Variants in VPS36 observed in about 807,000 individuals in gnomAD.
VPS36 encodes vacuolar protein sorting 36 homolog, also known as vacuolar protein-sorting-associated protein 36.
VPS36 carries 31 observed loss-of-function variants against 63.5 expected under a neutral mutation model. The observed-to-expected ratio is 0.49, with a 90% confidence interval of 0.37 to 0.66. VPS36 has a LOEUF of 0.66. VPS36 is among the 30% of genes least tolerant of loss of function. The pLI is 0.00. For missense variants in VPS36, 338 were observed against 463.7 expected, an observed-to-expected ratio of 0.73 and a Z score of 2.49; for synonymous variants, 138 against 157.2, an observed-to-expected ratio of 0.88 and a Z score of 0.91.
At chr13:52,416,380 T>C (rs1957992596) in intron 12 of VPS36, 3 of 297,594 alleles carry the variant, frequency 1.0e-5, no homozygotes, top group Non-Finnish European at 1.8e-5. Context: ...AAGAACTATT[T>C]GATATTCTGA....
chr13:52,427,932 T>A (rs1958119963), intron 6 of VPS36, among the ~76,000 whole-genome samples: 1 of 152,206 alleles, frequency 6.6e-6, no homozygotes, highest in Non-Finnish European at 1.5e-5. Flanking sequence ...AAAGCTTTCC[T>A]GGTTGAAAAT....
intron 1 of VPS36, among the ~76,000 whole-genome samples, chr13:52,446,362 A>G (rs1958343810): frequency 6.6e-6 from 1 of 152,174 alleles, no homozygotes; most frequent in African/African-American, 2.4e-5. Context: ...AAGCACATAC[A>G]TGTTAATTTA....
At chr13:52,440,250 A>T (rs1413737215) in intron 2 of VPS36, among the ~76,000 whole-genome samples, 1 of 151,856 alleles carries the variant, frequency 6.6e-6, no homozygotes, top group Non-Finnish European at 1.5e-5. Context: ...AAGTACTGGG[A>T]TTTACAGGCA....
Position 52,415,549 on chromosome 13 carries a change from A to T in VPS36, c.*281T>A, listed in dbSNP as rs1221388397. The stretch of plus-strand genomic sequence containing the variant: ...CTTCTTTATAAAATGATTAGATTTG[A>T]GGATCAAGTTAAAATCCACTATATT... On this transcript the variant is annotated 3_prime_UTR_variant, in exon 14 of 14. Coordinates refer to ENST00000378060, the MANE Select transcript of VPS36 (RefSeq NM_016075.4). The T allele has an allele frequency of 3.7e-6, 1 of 268,014 alleles. No homozygotes were observed. Among genetic ancestry groups the T allele is most frequent in the African/African-American group, 2.2e-5 (1 of 44,876 alleles). 16.6% of individuals were successfully genotyped at this position (268,014 alleles called of 1,614,324 possible). A position where few individuals can be genotyped will look rare whatever the true frequency, so the allele number is the denominator to read the frequency against.
At chr13:52,448,273 T>G (rs1031223415) in intron 1 of VPS36, among the ~76,000 whole-genome samples, 4 of 152,172 alleles carry the variant, frequency 2.6e-5, no homozygotes, top group Non-Finnish European at 2.9e-5. Context: ...GGAGACTAAT[T>G]TCACCAGATT....
At chr13:52,432,089 A>G (rs894336378) in intron 6 of VPS36, among the ~76,000 whole-genome samples, 1 of 152,338 alleles carries the variant, frequency 6.6e-6, no homozygotes, top group Non-Finnish European at 1.5e-5. Flanking sequence ...GCGGTGGCAC[A>G]TGCCTGTAAT....
intron 3 of VPS36, 93 bp downstream of exon 3, chr13:52,439,005 A>T: frequency 9.1e-7 from 1 of 1,098,068 alleles, no homozygotes; most frequent in East Asian, 2.5e-5. Context: ...TTAAGAATGG[A>T]TTCGTACATC....
intron 10 of VPS36, among the ~76,000 whole-genome samples, chr13:52,422,108 C>A (rs1958052970): frequency 6.6e-6 from 1 of 152,156 alleles, no homozygotes; most frequent in Non-Finnish European, 1.5e-5. Context: ...ATTTCTTCTT[C>A]CCCGCTCCCA....
At chr13:52,441,700 C>T (rs539067101) in intron 2 of VPS36, among the ~76,000 whole-genome samples, 6 of 151,902 alleles carry the variant, frequency 3.9e-5, no homozygotes, top group African/African-American at 9.7e-5. Flanking sequence ...TGCAGTGAGC[C>T]GAGATTGCGC....
At position 52,413,442 on chromosome 13, in the gene VPS36, T is replaced by A. The variant is rs1957965408; in HGVS notation, c.*2388A>T. On this transcript the variant is annotated 3_prime_UTR_variant, in exon 14 of 14. Transcript: ENST00000378060. ...GGAAAAATTCTTAACATAACTGGCT[T>A]TAGTATGATTAAAGGTTTCTCATTT... 6.6e-6 allele frequency: 1 copy of A among 152,216 alleles called. No individual in the cohort carries two copies. The highest frequency in any genetic ancestry group is 6.5e-5 in the Admixed American group (1 of 15,276). The allele number at this position is 152,216 out of a possible 1,614,324, so 9.4% of individuals were successfully genotyped here. A position where few individuals can be genotyped will look rare whatever the true frequency, so the allele number is the denominator to read the frequency against.
intron 1 of VPS36, among the ~76,000 whole-genome samples, chr13:52,445,939 CAAAAAAAAAAAAA>C (rs34529458): frequency 2.0e-4 from 3 of 15,362 alleles, no homozygotes; most frequent in South Asian, 6.1e-3. Flanking sequence ...GACTCTATCT[CAAAAAAAAAAAAA>C]AAAAAAAAAA....
At chr13:52,416,614 A>G (rs1957995334) in intron 12 of VPS36, among the ~76,000 whole-genome samples, 1 of 152,238 alleles carries the variant, frequency 6.6e-6, no homozygotes, top group African/African-American at 2.4e-5. Flanking sequence ...TAATATTGGC[A>G]GTTTGGCCAG....
At chr13:52,418,609 A>G (rs1351547185) in intron 10 of VPS36, among the ~76,000 whole-genome samples, 1 of 151,678 alleles carries the variant, frequency 6.6e-6, no homozygotes, top group African/African-American at 2.4e-5. Flanking sequence ...GTAAAAAAGT[A>G]AAAAGAAACA....
intron 2 of VPS36, 29 bp from the exon 3 acceptor site, chr13:52,439,197 A>G (rs781163327): frequency 6.2e-7 from 1 of 1,603,634 alleles, no homozygotes; most frequent in Non-Finnish European, 8.5e-7. Context: ...CTTAAATGAA[A>G]GACTCTAAAC....
intron 1 of VPS36, among the ~76,000 whole-genome samples, chr13:52,445,456 G>A (rs1342285000): frequency 2.7e-5 from 4 of 150,602 alleles, no homozygotes; most frequent in African/African-American, 9.8e-5. Context: ...TGACTAACAC[G>A]GTGAAACCCC....
At chr13:52,425,564 A>T (rs1297852680) in intron 9 of VPS36, among the ~76,000 whole-genome samples, 2 of 152,172 alleles carry the variant, frequency 1.3e-5, no homozygotes, top group African/African-American at 4.8e-5. Context: ...TGACTGCCTG[A>T]ATACTATCAG....
At chr13:52,427,457 A>G (rs1032336269) in intron 6 of VPS36, among the ~76,000 whole-genome samples, 10 of 152,148 alleles carry the variant, frequency 6.6e-5, no homozygotes, top group African/African-American at 1.4e-4. Flanking sequence ...TACAAAAAAA[A>G]TTAGCCGGGC....
chr13:52,416,325 G>A, intron 12 of VPS36: 1 of 500,506 alleles, frequency 2.0e-6, no homozygotes, highest in South Asian at 2.6e-5. Context: ...CAAATATCAA[G>A]ATCAAGCTCT....
chr13:52,427,620 A>C (rs929075010), intron 6 of VPS36, among the ~76,000 whole-genome samples: 7 of 152,084 alleles, frequency 4.6e-5, no homozygotes, highest in Non-Finnish European at 7.4e-5. Flanking sequence ...AAAAAAAAAA[A>C]AATTTAAATT....
Sources: gnomAD v4.1 joint callset for allele counts (sites outside exome capture counted in the v4.1 genomes callset) on GRCh38, gnomAD v4.1.1 for gene constraint, MANE v1.5 for transcripts, NCBI Gene and HGNC (gene_info 2026-07-23, HGNC 2026-07-21) for gene names.